TBC1D9: variants seen among roughly 807,000 people sequenced by gnomAD.
The protein encoded by TBC1D9 is TBC1 domain family member 9, also known as TBC1 domain family member 9A.
TBC1D9 carries 63 observed loss-of-function variants against 132.0 expected under a neutral mutation model. The observed-to-expected ratio is 0.48, with a 90% confidence interval of 0.39 to 0.59. TBC1D9 has a LOEUF of 0.59. Among genes scored for constraint, TBC1D9 ranks in the 20% least tolerant of loss-of-function variants. The pLI is 0.00. For synonymous variants in TBC1D9, 610 were observed against 609.9 expected (o/e 1.00, Z 0.00); for missense variants, 1,261 against 1,592.7 (o/e 0.79, Z 3.54).
At chr4:140,737,798 G>C (rs1157504049) in intron 1 of TBC1D9, among the ~76,000 whole-genome samples, 1 of 152,134 alleles carries the variant, frequency 6.6e-6, no homozygotes, top group Non-Finnish European at 1.5e-5. Context: ...TGGAGTTGAG[G>C]AATGTTAGAC....
chr4:140,683,321 TA>T, intron 3 of TBC1D9, among the ~76,000 whole-genome samples: 1 of 152,206 alleles, frequency 6.6e-6, no homozygotes, highest in African/African-American at 2.4e-5. Context: ...GTAAGGCTAA[TA>T]GTCTCCATAA....
chr4:140,747,195 C>CA (rs1353817469), intron 1 of TBC1D9, among the ~76,000 whole-genome samples: 1 of 151,392 alleles, frequency 6.6e-6, no homozygotes, highest in Non-Finnish European at 1.5e-5. Context: ...TAAAAAAATA[C>CA]AAAAAAATTA....
At chr4:140,645,889 G>A (rs1443323693) in intron 13 of TBC1D9, among the ~76,000 whole-genome samples, 2 of 152,228 alleles carry the variant, frequency 1.3e-5, no homozygotes, top group Admixed American at 6.5e-5. Flanking sequence ...CATGGCATCT[G>A]TGTCTCTGCT....
intron 1 of TBC1D9, among the ~76,000 whole-genome samples, chr4:140,754,786 G>C (rs1738981694): frequency 1.3e-5 from 2 of 152,030 alleles, no homozygotes; most frequent in African/African-American, 2.4e-5. Context: ...GAGCTCTGCA[G>C]ATTTATCTTT....
At chr4:140,666,228 C>A (rs1027698960) in intron 9 of TBC1D9, among the ~76,000 whole-genome samples, 2 of 152,130 alleles carry the variant, frequency 1.3e-5, no homozygotes, top group Non-Finnish European at 2.9e-5. Context: ...TGTATGCTTC[C>A]ATTTATACAA....
intron 13 of TBC1D9, among the ~76,000 whole-genome samples, chr4:140,654,165 C>T (rs1737229720): frequency 6.6e-6 from 1 of 152,248 alleles, no homozygotes. Context: ...TGAGAGCACA[C>T]CTGAACAAAG....
intron 1 of TBC1D9, among the ~76,000 whole-genome samples, chr4:140,752,409 G>GA (rs1472803588): frequency 6.6e-6 from 1 of 152,022 alleles, no homozygotes; most frequent in Non-Finnish European, 1.5e-5. Context: ...ATGTTCTTTG[G>GA]AAAAACTACA....
chr4:140,693,575 T>C (rs1472549847), intron 2 of TBC1D9, among the ~76,000 whole-genome samples: 2 of 152,192 alleles, frequency 1.3e-5, no homozygotes, highest in African/African-American at 4.8e-5. Flanking sequence ...GTAATACACG[T>C]CAAGTCCTTA....
At chr4:140,733,432 T>G (rs1738628541) in intron 1 of TBC1D9, among the ~76,000 whole-genome samples, 1 of 152,220 alleles carries the variant, frequency 6.6e-6, no homozygotes, top group South Asian at 2.1e-4. Flanking sequence ...TTCTACACCC[T>G]TCAGGTTTTT....
At chr4:140,675,501 C>A (rs1240781923) in intron 6 of TBC1D9, among the ~76,000 whole-genome samples, 1 of 152,128 alleles carries the variant, frequency 6.6e-6, no homozygotes, top group Non-Finnish European at 1.5e-5. Flanking sequence ...TCTCTGACAT[C>A]CTAACCTGGG....
intron 1 of TBC1D9, among the ~76,000 whole-genome samples, chr4:140,720,173 G>A: frequency 6.6e-6 from 1 of 152,198 alleles, no homozygotes; most frequent in Non-Finnish European, 1.5e-5. Flanking sequence ...TGTGTGGGGA[G>A]CAGTAAGTCC....
At chr4:140,651,792 T>G (rs1325614096) in intron 13 of TBC1D9, among the ~76,000 whole-genome samples, 1 of 152,170 alleles carries the variant, frequency 6.6e-6, no homozygotes, top group East Asian at 1.9e-4. Flanking sequence ...AGAAAAATGT[T>G]GATAATTGTT....
chr4:140,710,792 C>T (rs1439315737), intron 1 of TBC1D9, among the ~76,000 whole-genome samples: 2 of 152,284 alleles, frequency 1.3e-5, no homozygotes, highest in Middle Eastern at 3.4e-3. Flanking sequence ...ATACCTTGCT[C>T]TACACCCTAA....
At chr4:140,640,813 G>A (rs1273520861) in intron 13 of TBC1D9, among the ~76,000 whole-genome samples, 1 of 150,894 alleles carries the variant, frequency 6.6e-6, no homozygotes, top group Non-Finnish European at 1.5e-5. Context: ...AAATCTGTCT[G>A]GCAGTATCTA....
At chr4:140,714,316 A>G (rs945515102) in intron 1 of TBC1D9, among the ~76,000 whole-genome samples, 1 of 152,196 alleles carries the variant, frequency 6.6e-6, no homozygotes, top group Non-Finnish European at 1.5e-5. Context: ...GCTTGGTTTT[A>G]TATGTTTTAC....
intron 3 of TBC1D9, 85 bp from the exon 4 acceptor site, chr4:140,679,928 C>A: frequency 1.6e-6 from 2 of 1,216,524 alleles, no homozygotes; most frequent in South Asian, 1.8e-5. Flanking sequence ...ATTTCTAAGG[C>A]TAGAATTAAA....
In TBC1D9 at chr4:140,642,535, T is replaced by G; in HGVS notation, c.2338-3107A>C. ...GAAGGGTGACTTCAACTTGTCCTGCTTGGTGAGGGAGAGGGCCTTTGTCGA... is the reference window on the plus strand; with the variant it reads ...GAAGGGTGACTTCAACTTGTCCTGCGTGGTGAGGGAGAGGGCCTTTGTCGA... On this transcript the variant is annotated intron_variant, in intron 13 of 20. Coordinates refer to ENST00000442267, the MANE Select transcript of TBC1D9 (RefSeq NM_015130.3). 4 of 1,160,818 alleles carry G rather than the reference T, an allele frequency of 3.4e-6. No homozygotes were observed. The South Asian group carries it at 5.1e-5, about 15-fold the overall frequency. The allele number at this position is 1,160,818 out of a possible 1,614,324, so 71.9% of individuals were successfully genotyped here. A position where few individuals can be genotyped will look rare whatever the true frequency, so the allele number is the denominator to read the frequency against.
chr4:140,707,657 C>T (rs1425951226), intron 1 of TBC1D9, among the ~76,000 whole-genome samples: 1 of 152,198 alleles, frequency 6.6e-6, no homozygotes, highest in Non-Finnish European at 1.5e-5. Flanking sequence ...GAAGCAGCTG[C>T]TGACATACCT....
At chr4:140,690,699 T>A (rs980297364) in intron 2 of TBC1D9, among the ~76,000 whole-genome samples, 1 of 152,136 alleles carries the variant, frequency 6.6e-6, no homozygotes, top group African/African-American at 2.4e-5. Flanking sequence ...TTCTTCTGGC[T>A]ACATCCAAGC....
Sources: allele counts gnomAD v4.1 joint callset (sites outside exome capture counted in the v4.1 genomes callset), GRCh38; gene constraint gnomAD v4.1.1; transcripts MANE v1.5; gene names NCBI Gene and HGNC (gene_info 2026-07-23, HGNC 2026-07-21).